The following FER1L6 variants were observed in gnomAD, a reference collection of about 807,000 sequenced individuals.
FER1L6 encodes the protein fer-1 like family member 6, also known as fer-1-like protein 6.
Under a neutral mutation model 219.2 loss-of-function variants are expected in FER1L6, and 177 were observed. The observed-to-expected ratio is 0.81, with a 90% confidence interval of 0.71 to 0.91. FER1L6 has a LOEUF of 0.91. Ranked by LOEUF, FER1L6 falls within the 40% of genes least tolerant of loss-of-function variation. FER1L6 has a pLI of 0.00. For missense variants in FER1L6, 2,153 were observed against 2,259.9 expected (o/e 0.95, Z 0.96); for synonymous variants, 768 against 824.3 (o/e 0.93, Z 1.17).
At chr8:123,898,955 G>A (rs953398880) in intron 1 of FER1L6, among the ~76,000 whole-genome samples, 1 of 151,358 alleles carries the variant, frequency 6.6e-6, no homozygotes, top group Non-Finnish European at 1.5e-5. Flanking sequence ...GAATTGTGCT[G>A]CTATAAACAT....
chr8:123,951,797 G>C (rs956174566), intron 1 of FER1L6, among the ~76,000 whole-genome samples: 4 of 152,182 alleles, frequency 2.6e-5, no homozygotes, highest in Admixed American at 2.6e-4. Context: ...CCCCGTACTG[G>C]GTGTTATGGC....
At chr8:123,876,481 G>A (rs1055355083) in intron 1 of FER1L6, among the ~76,000 whole-genome samples, 13 of 142,238 alleles carry the variant, frequency 9.1e-5, no homozygotes, top group African/African-American at 2.2e-4. Context: ...ACCACACTTG[G>A]CTACATTTTT....
chr8:124,057,565 T>C (rs2130811294), intron 22 of FER1L6, among the ~76,000 whole-genome samples: 1 of 152,276 alleles, frequency 6.6e-6, no homozygotes, highest in African/African-American at 2.4e-5. Context: ...TCCTGTTCTA[T>C]TCCTCCTCTT....
chr8:123,984,696 T>G (rs914932194), intron 11 of FER1L6: 1 of 152,162 alleles, frequency 6.6e-6, no homozygotes, highest in Non-Finnish European at 1.5e-5. Flanking sequence ...CATTTTCTGG[T>G]CACTAGGAAC....
intron 1 of FER1L6, chr8:123,939,301 C>A: frequency 1.6e-6 from 1 of 622,556 alleles, no homozygotes; most frequent in Non-Finnish European, 2.0e-6. Context: ...CTAAGAAGTC[C>A]TAGGAGACCA....
chr8:123,943,294 G>C (rs764671630), intron 1 of FER1L6, among the ~76,000 whole-genome samples: 9 of 152,198 alleles, frequency 5.9e-5, no homozygotes, highest in Non-Finnish European at 1.2e-4. Flanking sequence ...CATTGACACT[G>C]TCTGGAGCTA....
At chr8:124,006,864 A>G (rs955565099) in intron 13 of FER1L6, among the ~76,000 whole-genome samples, 3 of 152,212 alleles carry the variant, frequency 2.0e-5, no homozygotes, top group Non-Finnish European at 4.4e-5. Flanking sequence ...TAAGACTAGG[A>G]GGTCCCTGAG....
At chr8:123,985,863 C>G in intron 11 of FER1L6, 1 of 542,600 alleles carries the variant, frequency 1.8e-6, no homozygotes. Context: ...CTGCATCATT[C>G]TAGATGAATG....
chr8:123,942,261 C>T (rs1232762097), intron 1 of FER1L6, among the ~76,000 whole-genome samples: 1 of 152,200 alleles, frequency 6.6e-6, no homozygotes, highest in African/African-American at 2.4e-5. Flanking sequence ...GAGGCTCCTA[C>T]ACCATTGCCA....
Position 124,119,800 on chromosome 8 carries a change from G to A in FER1L6, c.*10G>A, listed in dbSNP as rs2131059259. 7 of 1,613,020 alleles carry A rather than the reference G, an allele frequency of 4.3e-6. No homozygotes were observed. In the South Asian group the frequency reaches 7.7e-5, roughly 18 times the overall value. ...CGTTGTGGGCTCATAGAGGATCATG[G>A]AGGACCCAGATCCTCGCCATATACT... is the stretch of plus-strand genomic sequence containing the variant. On this transcript the variant is annotated 3_prime_UTR_variant, in exon 41 of 41. Transcript: ENST00000522917.
At chr8:123,886,220 G>A (rs904284968) in intron 1 of FER1L6, among the ~76,000 whole-genome samples, 4 of 152,126 alleles carry the variant, frequency 2.6e-5, no homozygotes, top group Non-Finnish European at 2.9e-5. Flanking sequence ...TTTGGATATG[G>A]TTTGTCCCCA....
Position 123,963,357 on chromosome 8 carries a change from T to C in FER1L6, c.156T>C (p.Asp52=), listed in dbSNP as rs565742035. The C allele has an allele frequency of 1.5e-5, 24 of 1,614,180 alleles. 1 individual carries two copies. In the South Asian group the frequency reaches 2.3e-4, roughly 16 times the overall value. The change falls in exon 3 of 41, where the codon GAT becomes GAC. Residue 52 remains aspartate (D), a synonymous_variant. Coordinates refer to ENST00000522917, the MANE Select transcript of FER1L6 (RefSeq NM_001039112.2). ...EGPRGDLVHD[D]ASIFPVPSAS... ...CGAGAGGAGATTTGGTCCATGATGA[T>C]GCTTCTATCTTTCCTGTCCCCTCAG... is the stretch of plus-strand genomic sequence containing the variant.
intron 21 of FER1L6, chr8:124,046,146 G>A: frequency 2.4e-6 from 1 of 421,250 alleles, no homozygotes; most frequent in Admixed American, 3.9e-5. Context: ...ATTGGATCTG[G>A]TTTACAGAAC....
intron 13 of FER1L6, among the ~76,000 whole-genome samples, chr8:124,009,818 G>A (rs1423123098): frequency 6.6e-6 from 1 of 151,918 alleles, no homozygotes; most frequent in African/African-American, 2.4e-5. Context: ...GGGAGGAGAG[G>A]TCTTGTTCTA....
rs999255085 is a variant in FER1L6 at position 123,975,373 on chromosome 8, C to G, written c.683+67C>G. 2.4e-5 allele frequency: 35 copies of G among 1,433,758 alleles called. No individual in the cohort carries two copies. In the Middle Eastern group the frequency reaches 6.9e-4, roughly 28 times the overall value. 88.8% of individuals were successfully genotyped at this position (1,433,758 alleles called of 1,614,324 possible). A position where few individuals can be genotyped will look rare whatever the true frequency, so the allele number is the denominator to read the frequency against. ...TCCAATTTTAATCTCTTTCCCCTCC[C>G]TCACCACTTTTCTTATGGGTACATG... On this transcript the variant is annotated intron_variant, in intron 8 of 40. Transcript: ENST00000522917.
chr8:123,986,509 C>T (rs1421882353), intron 12 of FER1L6, among the ~76,000 whole-genome samples: 2 of 152,062 alleles, frequency 1.3e-5, no homozygotes, highest in Admixed American at 6.6e-5. Flanking sequence ...TCTTTGGTTA[C>T]CAACAATCCA....
At chr8:123,931,363 G>A (rs1420836512) in intron 1 of FER1L6, among the ~76,000 whole-genome samples, 1 of 152,168 alleles carries the variant, frequency 6.6e-6, no homozygotes, top group Non-Finnish European at 1.5e-5. Flanking sequence ...TGGGATCAAG[G>A]AGGGGTGTTT....
At chr8:123,995,240 T>A (rs1817072753) in intron 12 of FER1L6, among the ~76,000 whole-genome samples, 1 of 152,232 alleles carries the variant, frequency 6.6e-6, no homozygotes, top group African/African-American at 2.4e-5. Flanking sequence ...GTCCACCATC[T>A]TGAAAAAACT....
chr8:124,013,562 G>A, intron 15 of FER1L6, 31 bp downstream of exon 15: 1 of 1,486,246 alleles, frequency 6.7e-7, no homozygotes, highest in Non-Finnish European at 9.1e-7. Flanking sequence ...CATAGGCGGA[G>A]CTGAGCTTCT....
Sources: allele counts gnomAD v4.1 joint callset (sites outside exome capture counted in the v4.1 genomes callset), GRCh38; gene constraint gnomAD v4.1.1; transcripts MANE v1.5; gene names NCBI Gene and HGNC (gene_info 2026-07-23, HGNC 2026-07-21).